The following THSD4 variants were observed in gnomAD, a reference collection of about 807,000 sequenced individuals.
THSD4 encodes thrombospondin type-1 domain-containing protein 4.
In THSD4, 69 loss-of-function variants were observed where a neutral mutation model predicts 119.0. The observed-to-expected ratio is 0.58, with a 90% CI of 0.48 to 0.71. The LOEUF is 0.71. Ranked by LOEUF, THSD4 falls within the 30% of genes least tolerant of loss-of-function variation. The pLI, the probability that THSD4 is intolerant of heterozygous loss-of-function variation, is 0.00. For synonymous variants in THSD4, 524 were observed against 540.4 expected (o/e 0.97, Z 0.42); for missense variants, 1,393 against 1,391.1 (o/e 1.00, Z -0.02).
At chr15:71,469,563 G>A (rs1410360194) in intron 7 of THSD4, among the ~76,000 whole-genome samples, 5 of 152,168 alleles carry the variant, frequency 3.3e-5, no homozygotes, top group African/African-American at 4.8e-5. Context: ...CCCTTCCGGC[G>A]AAGTGAGGCA....
rs1038921156 is a variant in THSD4 at position 71,411,890 on chromosome 15, T to G, written c.1152+67T>G. ...TCTGTGACTGCTGACTCCATTGTTT[T>G]CCAGGGAGAGACTAGGCTGCTAGCT... On this transcript the variant is annotated intron_variant, in intron 7 of 17. Coordinates refer to ENST00000261862, the MANE Select transcript of THSD4 (RefSeq NM_024817.3). 26 of 1,594,942 alleles carry G rather than the reference T, an allele frequency of 1.6e-5. No homozygotes were observed. In the Admixed American group the frequency reaches 3.4e-4, roughly 21 times the overall value.
intron 6 of THSD4, among the ~76,000 whole-genome samples, chr15:71,332,627 G>A (rs773426697): frequency 3.3e-5 from 5 of 152,106 alleles, no homozygotes; most frequent in Non-Finnish European, 7.4e-5. Flanking sequence ...GTCTTGTGAT[G>A]TTAACATTTT....
intron 3 of THSD4, among the ~76,000 whole-genome samples, chr15:71,190,821 T>G (rs1420095040): frequency 6.6e-6 from 1 of 152,172 alleles, no homozygotes; most frequent in Non-Finnish European, 1.5e-5. Flanking sequence ...TTGTGAATTT[T>G]GGAATGCAGA....
rs71152331 is a variant in THSD4 at position 71,172,682 on chromosome 15, C to CATAT, written c.99+17799_99+17802dup. ...AATACAGCATGAAAATAGACCTATACATATATATATATATATATATATATA... is the reference window on the plus strand; with the variant it reads ...AATACAGCATGAAAATAGACCTATACATATATATATATATATATATATATATATA... On this transcript the variant is annotated intron_variant, in intron 3 of 17. Transcript: ENST00000261862. Among the ~76,000 whole-genome samples, 136 of 24,202 alleles carry CATAT rather than the reference C, an allele frequency of 5.6e-3. 5 individuals are homozygous for CATAT. Among genetic ancestry groups the CATAT allele is most frequent in the East Asian group, 0.011 (7 of 656 alleles). The allele number at this position is 24,202 out of a possible 152,430, so 15.9% of individuals were successfully genotyped here.
chr15:71,373,275 TA>T (rs1295184125), intron 6 of THSD4, among the ~76,000 whole-genome samples: 1 of 152,234 alleles, frequency 6.6e-6, no homozygotes, highest in East Asian at 1.9e-4. Flanking sequence ...TAGCCCTGAA[TA>T]AGTCTGAACT....
intron 14 of THSD4, among the ~76,000 whole-genome samples, chr15:71,749,794 A>G (rs2053414056): frequency 1.3e-5 from 2 of 149,644 alleles, no homozygotes; most frequent in Non-Finnish European, 3.0e-5. Context: ...ATCTCAGCTC[A>G]CTGCAGCCTC....
At chr15:71,673,756 T>A (rs1310532416) in intron 8 of THSD4, among the ~76,000 whole-genome samples, 1 of 152,196 alleles carries the variant, frequency 6.6e-6, no homozygotes, top group Non-Finnish European at 1.5e-5. Flanking sequence ...TACCCAGTAG[T>A]CATTTCAGGA....
chr15:71,377,624 G>A (rs796504406), intron 6 of THSD4, among the ~76,000 whole-genome samples: 7 of 152,008 alleles, frequency 4.6e-5, no homozygotes, highest in African/African-American at 1.5e-4. Context: ...GAGGGCGGGC[G>A]TGATGAGGCC....
intron 6 of THSD4, among the ~76,000 whole-genome samples, chr15:71,261,273 G>C (rs1466876652): frequency 6.6e-6 from 1 of 152,126 alleles, no homozygotes; most frequent in East Asian, 1.9e-4. Flanking sequence ...AGAGACTAAA[G>C]TGATGCAGCT....
intron 8 of THSD4, among the ~76,000 whole-genome samples, chr15:71,674,848 C>T (rs2051607406): frequency 1.3e-5 from 2 of 152,108 alleles, no homozygotes; most frequent in Admixed American, 6.6e-5. Flanking sequence ...GGGCGGCTCC[C>T]ACAGTGAAGA....
intron 8 of THSD4, among the ~76,000 whole-genome samples, chr15:71,670,021 C>T (rs2051491402): frequency 6.6e-6 from 1 of 152,188 alleles, no homozygotes. Flanking sequence ...TGACAAGAAA[C>T]AGGCTTCTCT....
intron 6 of THSD4, among the ~76,000 whole-genome samples, chr15:71,403,715 A>G (rs1271931481): frequency 6.6e-6 from 1 of 152,326 alleles, no homozygotes; most frequent in East Asian, 1.9e-4. Flanking sequence ...GCTTTCAATA[A>G]AAGCAGTAGA....
chr15:71,115,837 G>A lies in THSD4; in HGVS notation c.-80+139G>A, dbSNP rs990112962. On this transcript the variant is annotated intron_variant, in intron 1 of 17. Transcript: ENST00000261862. This position sits in a 1 kb window ranked among gnomAD's most constrained non-coding sequence, Gnocchi z 4.4. ...GGGCTACCCAGTGGGTGTGTCCGGG[G>A]CGCCGCGGGCTGCGCCGCTCCGGGC... 2.1e-4 allele frequency: 32 copies of A among 151,486 alleles called. 1 individual carries two copies. The highest frequency in any genetic ancestry group is 7.0e-4 in the African/African-American group (29 of 41,360). 9.4% of individuals were successfully genotyped at this position (151,486 alleles called of 1,614,324 possible).
intron 5 of THSD4, among the ~76,000 whole-genome samples, chr15:71,249,109 A>C (rs557723014): frequency 6.6e-6 from 1 of 152,142 alleles, no homozygotes; most frequent in African/African-American, 2.4e-5. Flanking sequence ...TCATACATAT[A>C]TATATACACA....
intron 3 of THSD4, among the ~76,000 whole-genome samples, chr15:71,159,197 A>T (rs1054145219): frequency 6.6e-6 from 1 of 152,194 alleles, no homozygotes; most frequent in Non-Finnish European, 1.5e-5. Flanking sequence ...TGCCAGTACC[A>T]TGCTGCTTTG....
Position 71,616,768 on chromosome 15 carries a change from G to A in THSD4, c.1153-43762G>A, listed in dbSNP as rs79526795. Among the ~76,000 whole-genome samples, 18 of 152,324 alleles carry A rather than the reference G, an allele frequency of 1.2e-4. No individual in the cohort carries two copies. In the East Asian group the frequency reaches 3.5e-3, roughly 29 times the overall value. On this transcript the variant is annotated intron_variant, in intron 7 of 17. Transcript: ENST00000261862. Reference sequence around the variant, plus strand: ...AGCTGTAGATGAGATTCCTGCATTGGGCAAGAGGCTTGGATTGGACTGGGT... The same window carrying A: ...AGCTGTAGATGAGATTCCTGCATTGAGCAAGAGGCTTGGATTGGACTGGGT...
chr15:71,421,213 G>A lies in THSD4; in HGVS notation c.1152+9390G>A, dbSNP rs1482344442. 6.1e-5 allele frequency among the ~76,000 whole-genome samples: 5 copies of A among 82,640 alleles called. 2 individuals carry two copies. Among genetic ancestry groups the A allele is most frequent in the African/African-American group, 8.0e-5 (2 of 25,128 alleles). The allele number at this position is 82,640 out of a possible 152,430, so 54.2% of individuals were successfully genotyped here. On this transcript the variant is annotated intron_variant, in intron 7 of 17. Transcript: ENST00000261862. ...AGGAGTAGTTTACACACCACAATTA[G>A]TGTATAATATTCTGTGTTTTTCTGT...
At chr15:71,727,293 G>A (rs1444944867) in intron 8 of THSD4, among the ~76,000 whole-genome samples, 2 of 152,010 alleles carry the variant, frequency 1.3e-5, no homozygotes, top group African/African-American at 4.8e-5. Flanking sequence ...CAGGAACTCA[G>A]GAAGGTCATA....
chr15:71,378,096 G>A (rs1211860603), intron 6 of THSD4, among the ~76,000 whole-genome samples: 2 of 152,166 alleles, frequency 1.3e-5, no homozygotes, highest in Non-Finnish European at 2.9e-5. Context: ...CATCTAAGGG[G>A]ATAGCATTTA....
Sources: gnomAD v4.1 joint callset for allele counts (sites outside exome capture counted in the v4.1 genomes callset) on GRCh38, gnomAD v4.1.1 for gene constraint, Gnocchi (gnomAD v3.1) non-coding constraint, MANE v1.5 for transcripts, NCBI Gene and HGNC (gene_info 2026-07-23, HGNC 2026-07-21) for gene names.